The following PRKN variants were observed in gnomAD, a reference collection of about 807,000 sequenced individuals.
PRKN encodes E3 ubiquitin-protein ligase parkin.
Under a neutral mutation model 59.5 loss-of-function variants are expected in PRKN, and 56 were observed. The observed-to-expected ratio is 0.94, with a 90% CI of 0.76 to 1.18. The LOEUF (loss-of-function observed/expected upper bound fraction) is 1.18, where lower values mean the gene tolerates loss of function less well. PRKN is among the 50% of genes most tolerant of loss of function. PRKN has a pLI of 0.00. For synonymous variants in PRKN, 250 were observed against 222.1 expected (o/e 1.13, Z -1.12); for missense variants, 657 against 596.4 (o/e 1.10, Z -1.06).
chr6:162,373,099 C>T (rs1197895920), intron 2 of PRKN, among the ~76,000 whole-genome samples: 1 of 152,010 alleles, frequency 6.6e-6, no homozygotes, highest in Non-Finnish European at 1.5e-5. Context: ...AGTACATTTA[C>T]CTACCACAAC....
In PRKN at chr6:162,073,133, G is replaced by T. The variant is rs185195504; in HGVS notation, c.535-18959C>A. 4.6e-3 allele frequency among the ~76,000 whole-genome samples: 703 copies of T among 152,238 alleles called. 7 individuals carry two copies. Among genetic ancestry groups the T allele is most frequent in the Non-Finnish European group, 7.2e-3 (492 of 68,024 alleles). On this transcript the variant is annotated intron_variant, in intron 4 of 11. Transcript: ENST00000366898. Reference sequence around the variant, plus strand: ...AAAACCATTGAAGCTACAGCAAACAGGTCACACAGATAGTAGTAAATGAAT... The same window carrying T: ...AAAACCATTGAAGCTACAGCAAACATGTCACACAGATAGTAGTAAATGAAT...
intron 7 of PRKN, among the ~76,000 whole-genome samples, chr6:161,714,144 G>A (rs1786870543): frequency 1.3e-5 from 2 of 152,130 alleles, no homozygotes; most frequent in Non-Finnish European, 2.9e-5. Flanking sequence ...AAAATACACT[G>A]TAATTCAATA....
chr6:162,560,453 T>C (rs976329331), intron 1 of PRKN, among the ~76,000 whole-genome samples: 2 of 152,208 alleles, frequency 1.3e-5, no homozygotes, highest in African/African-American at 4.8e-5. Context: ...GTCAAAGACA[T>C]GCAGAGGCCA....
chr6:162,178,246 T>C (rs1225646732), intron 4 of PRKN, among the ~76,000 whole-genome samples: 1 of 152,238 alleles, frequency 6.6e-6, no homozygotes, highest in Non-Finnish European at 1.5e-5. Context: ...TGTCAAACCC[T>C]TACTGCAGAG....
At chr6:161,678,301 T>C (rs1004867870) in intron 7 of PRKN, among the ~76,000 whole-genome samples, 1 of 143,864 alleles carries the variant, frequency 7.0e-6, no homozygotes, top group African/African-American at 2.6e-5. Flanking sequence ...TTACCATTCC[T>C]AGCTGTATGA....
chr6:162,582,084 G>T (rs537017930), intron 1 of PRKN, among the ~76,000 whole-genome samples: 1 of 152,288 alleles, frequency 6.6e-6, no homozygotes, highest in South Asian at 2.1e-4. Context: ...ATTCCCTGTG[G>T]TTAAGTCTCT....
intron 1 of PRKN, among the ~76,000 whole-genome samples, chr6:162,495,405 A>G (rs181935981): frequency 1.2e-4 from 18 of 152,240 alleles, no homozygotes; most frequent in African/African-American, 4.3e-4. Context: ...TTGAAATGGT[A>G]TTAAGTTGTG....
At chr6:161,701,048 A>G (rs748743482) in intron 7 of PRKN, among the ~76,000 whole-genome samples, 9 of 152,218 alleles carry the variant, frequency 5.9e-5, no homozygotes, top group Non-Finnish European at 8.8e-5. Context: ...ATTTATTAGG[A>G]AAGTCTTGTG....
chr6:161,528,719 A>G (rs1334120136), intron 9 of PRKN, among the ~76,000 whole-genome samples: 1 of 152,212 alleles, frequency 6.6e-6, no homozygotes, highest in Non-Finnish European at 1.5e-5. Context: ...GAGGTTAGAC[A>G]CTGAGTAACT....
chr6:161,901,585 T>A (rs1222391581), intron 6 of PRKN, among the ~76,000 whole-genome samples: 1 of 152,198 alleles, frequency 6.6e-6, no homozygotes, highest in East Asian at 1.9e-4. Context: ...TAATGTGGAA[T>A]TTTTGGTCTG....
chr6:162,139,269 A>C (rs1781678149), intron 4 of PRKN, among the ~76,000 whole-genome samples: 1 of 152,184 alleles, frequency 6.6e-6, no homozygotes, highest in Non-Finnish European at 1.5e-5. Flanking sequence ...CTACACTAAC[A>C]CGCCTTAATT....
At chr6:162,021,749 T>C (rs1783212572) in intron 5 of PRKN, among the ~76,000 whole-genome samples, 1 of 152,156 alleles carries the variant, frequency 6.6e-6, no homozygotes, top group East Asian at 1.9e-4. Context: ...TACATGGGTA[T>C]ATCGTGTGAT....
chr6:161,951,285 T>A (rs931267306), intron 6 of PRKN, among the ~76,000 whole-genome samples: 10 of 152,184 alleles, frequency 6.6e-5, no homozygotes, highest in African/African-American at 2.4e-4. Context: ...AAAGTCCTGT[T>A]TCCTTTCTAG....
intron 5 of PRKN, among the ~76,000 whole-genome samples, chr6:162,010,236 A>G (rs1026156301): frequency 8.3e-6 from 1 of 120,884 alleles, no homozygotes; most frequent in African/African-American, 2.9e-5. Flanking sequence ...TATATATTTT[A>G]TATATTTATT....
intron 2 of PRKN, among the ~76,000 whole-genome samples, chr6:162,391,965 T>G (rs1159401759): frequency 6.6e-6 from 1 of 152,194 alleles, no homozygotes; most frequent in East Asian, 1.9e-4. Context: ...TTTTAGGTAG[T>G]CTGTATATCT....
At chr6:162,053,011 C>T (rs752849738) in intron 5 of PRKN, among the ~76,000 whole-genome samples, 5 of 152,046 alleles carry the variant, frequency 3.3e-5, no homozygotes, top group Admixed American at 2.0e-4. Flanking sequence ...CTATGAAATA[C>T]GCACTCTAAT....
intron 2 of PRKN, among the ~76,000 whole-genome samples, chr6:162,391,223 A>G (rs1045154686): frequency 7.2e-6 from 1 of 139,824 alleles, no homozygotes; most frequent in African/African-American, 2.7e-5. Context: ...CAATGACTTC[A>G]TCCAGGAAGA....
chr6:162,613,583 G>A (rs1427789206), intron 1 of PRKN, among the ~76,000 whole-genome samples: 1 of 152,272 alleles, frequency 6.6e-6, no homozygotes, highest in East Asian at 1.9e-4. Context: ...TAAGCTTGAA[G>A]ATAAATAACT....
rs375981062 is a variant in PRKN, at chr6:162,044,009, C to G, written c.618+10082G>C. ...CTTCTACCCAGTTCTAAACGAACAT[C>G]TCATTTGTATGTTGTGTTCTGAGTT... is the stretch of plus-strand genomic sequence containing the variant. On this transcript the variant is annotated intron_variant, in intron 5 of 11. Transcript: ENST00000366898. 1.3e-4 allele frequency among the ~76,000 whole-genome samples: 20 copies of G among 152,306 alleles called. No homozygotes were observed. In the South Asian group the frequency reaches 3.9e-3, roughly 30 times the overall value.
Sources: allele counts gnomAD v4.1 joint callset (sites outside exome capture counted in the v4.1 genomes callset), GRCh38; gene constraint gnomAD v4.1.1; transcripts MANE v1.5; gene names NCBI Gene and HGNC (gene_info 2026-07-23, HGNC 2026-07-21).